NRG3: variants seen among roughly 807,000 people sequenced by gnomAD.
NRG3 encodes pro-neuregulin-3, membrane-bound isoform.
Under a neutral mutation model 66.9 loss-of-function variants are expected in NRG3, and 31 were observed. The observed-to-expected ratio is 0.46, with a 90% CI of 0.35 to 0.63. The LOEUF is 0.63. Ranked by LOEUF, NRG3 falls within the 20% of genes least tolerant of loss-of-function variation. The pLI is 0.00. For synonymous variants in NRG3, 393 were observed against 359.4 expected (o/e 1.09, Z -1.06); for missense variants, 910 against 878.9 (o/e 1.04, Z -0.45).
At chr10:82,421,409 A>G (rs1564902506) in intron 2 of NRG3, among the ~76,000 whole-genome samples, 1 of 152,188 alleles carries the variant, frequency 6.6e-6, no homozygotes, top group East Asian at 1.9e-4. Context: ...ATGGAAGGGA[A>G]TAGAGAAAAA....
At chr10:82,432,496 A>T (rs1383485025) in intron 2 of NRG3, among the ~76,000 whole-genome samples, 6 of 79,706 alleles carry the variant, frequency 7.5e-5, no homozygotes, top group Non-Finnish European at 1.4e-4. Context: ...TATTTCTTCT[A>T]AAAAAAAAAA....
intron 1 of NRG3, among the ~76,000 whole-genome samples, chr10:82,177,712 C>T (rs1215491071): frequency 6.6e-6 from 1 of 152,102 alleles, no homozygotes; most frequent in East Asian, 1.9e-4. Flanking sequence ...TAGCTGGGAC[C>T]ACAGGCGTGC....
chr10:82,512,855 T>C (rs1157298718), intron 2 of NRG3, among the ~76,000 whole-genome samples: 1 of 152,242 alleles, frequency 6.6e-6, no homozygotes, highest in Non-Finnish European at 1.5e-5. Context: ...TAGTTCAATA[T>C]CATTTTTTTA....
chr10:82,186,324 A>T (rs949602638), intron 1 of NRG3, among the ~76,000 whole-genome samples: 1 of 152,154 alleles, frequency 6.6e-6, no homozygotes, highest in Non-Finnish European at 1.5e-5. Context: ...GAAGTGAGAG[A>T]CAGTGAACTT....
chr10:82,812,299 A>G (rs961196238), intron 3 of NRG3, among the ~76,000 whole-genome samples: 2 of 152,190 alleles, frequency 1.3e-5, no homozygotes, highest in Non-Finnish European at 2.9e-5. Flanking sequence ...GCTGAAAATT[A>G]ACAACCCAAA....
chr10:82,660,232 A>C (rs960052596), intron 2 of NRG3, among the ~76,000 whole-genome samples: 1 of 142,148 alleles, frequency 7.0e-6, no homozygotes, highest in African/African-American at 2.6e-5. Context: ...AAAAAAAAAA[A>C]AAACTGGAAA....
intron 2 of NRG3, among the ~76,000 whole-genome samples, chr10:82,400,797 A>AGCCATC (rs2087040745): frequency 6.6e-6 from 1 of 152,016 alleles, no homozygotes; most frequent in African/African-American, 2.4e-5. Context: ...CTGGCCTGAA[A>AGCCATC]CTGCTGAGCT....
intron 1 of NRG3, among the ~76,000 whole-genome samples, chr10:81,989,239 T>C (rs2060643163): frequency 6.6e-6 from 1 of 152,218 alleles, no homozygotes; most frequent in East Asian, 1.9e-4. Context: ...TGTTGGGAGA[T>C]GCACATTAGA....
chr10:82,014,057 C>T (rs1016689958), intron 1 of NRG3, among the ~76,000 whole-genome samples: 9 of 152,120 alleles, frequency 5.9e-5, no homozygotes, highest in Non-Finnish European at 1.3e-4. Flanking sequence ...GAACTCACAC[C>T]TAGCTGGAAG....
At chr10:82,671,007 G>T (rs1461848060) in intron 2 of NRG3, among the ~76,000 whole-genome samples, 7 of 152,188 alleles carry the variant, frequency 4.6e-5, no homozygotes, top group Non-Finnish European at 1.5e-5. Context: ...ACCTCTGGGA[G>T]GCAATAAGCC....
chr10:81,967,467 A>G (rs1421594725), intron 1 of NRG3, among the ~76,000 whole-genome samples: 1 of 151,878 alleles, frequency 6.6e-6, no homozygotes, highest in Non-Finnish European at 1.5e-5. Context: ...GTAATGTTCT[A>G]TATGTGTTTG....
intron 1 of NRG3, among the ~76,000 whole-genome samples, chr10:82,285,392 C>G (rs773903933): frequency 6.6e-6 from 1 of 152,118 alleles, no homozygotes; most frequent in Admixed American, 6.5e-5. Context: ...GTTTATTGCA[C>G]CAGCCATTAA....
intron 1 of NRG3, among the ~76,000 whole-genome samples, chr10:82,354,018 T>TTTA (rs1316029272): frequency 7.3e-6 from 1 of 136,470 alleles, no homozygotes; most frequent in African/African-American, 2.8e-5. Context: ...ATAACACTTT[T>TTTA]TTTTTTTTTT....
At chr10:82,977,360 G>A (rs1041266975) in intron 7 of NRG3, among the ~76,000 whole-genome samples, 2 of 152,096 alleles carry the variant, frequency 1.3e-5, no homozygotes, top group African/African-American at 4.8e-5. Context: ...TGTAATCCCA[G>A]CACTTTGGGA....
chr10:81,958,737 A>G (rs1850075712), intron 1 of NRG3, among the ~76,000 whole-genome samples: 1 of 152,098 alleles, frequency 6.6e-6, no homozygotes, highest in Non-Finnish European at 1.5e-5. Context: ...TAAAAATACA[A>G]AATTAGCTGG....
rs11591996 is a variant in NRG3 at position 82,761,922 on chromosome 10, C to T, written c.1027+23272C>T. 5.7e-3 allele frequency among the ~76,000 whole-genome samples: 700 copies of T among 123,854 alleles called. 4 individuals carry two copies. Among genetic ancestry groups the T allele is most frequent in the Admixed American group, 0.01 (117 of 11,586 alleles). 81.3% of individuals were successfully genotyped at this position (123,854 alleles called of 152,430 possible). A position where few individuals can be genotyped will look rare whatever the true frequency, so the allele number is the denominator to read the frequency against. ...TCCGTTCTTTCTTCTTTCTTTCTTT[C>T]TCTTTCTTTCTTTCTTTCTTTCTTT... On this transcript the variant is annotated intron_variant, in intron 3 of 8. Coordinates refer to ENST00000372141, the MANE Select transcript of NRG3 (RefSeq NM_001010848.4).
intron 3 of NRG3, among the ~76,000 whole-genome samples, chr10:82,760,811 A>G (rs1165461456): frequency 1.3e-5 from 2 of 152,026 alleles, no homozygotes; most frequent in African/African-American, 4.8e-5. Flanking sequence ...TTTAATAAGA[A>G]ATCTATTACA....
intron 1 of NRG3, among the ~76,000 whole-genome samples, chr10:82,018,177 T>G (rs1442929023): frequency 6.6e-6 from 1 of 152,150 alleles, no homozygotes; most frequent in Non-Finnish European, 1.5e-5. Context: ...CCCAGCACCA[T>G]TTATTAAATA....
At chr10:82,385,942 T>C (rs2085952366) in intron 2 of NRG3, among the ~76,000 whole-genome samples, 1 of 152,120 alleles carries the variant, frequency 6.6e-6, no homozygotes, top group African/African-American at 2.4e-5. Flanking sequence ...GAGTATTTGA[T>C]TGTAAAACTG....
Sources: gnomAD v4.1 joint callset for allele counts (sites outside exome capture counted in the v4.1 genomes callset) on GRCh38, gnomAD v4.1.1 for gene constraint, MANE v1.5 for transcripts, NCBI Gene and HGNC (gene_info 2026-07-23, HGNC 2026-07-21) for gene names.